FLYWCH1: variants seen among roughly 807,000 people sequenced by gnomAD.
The protein encoded by FLYWCH1 is FLYWCH-type zinc finger 1.
In FLYWCH1, 75 loss-of-function variants were observed where a neutral mutation model predicts 66.4. The observed-to-expected ratio is 1.13, with a 90% confidence interval of 0.94 to 1.37. FLYWCH1 has a LOEUF of 1.37. FLYWCH1 is among the 40% of genes most tolerant of loss of function. The probability of loss-of-function intolerance (pLI) is 0.00; values close to 1 mark genes in which losing one functional copy is unlikely to be tolerated. For missense variants in FLYWCH1, 1,334 were observed against 1,001.8 expected, an observed-to-expected ratio of 1.33 and a Z score of -4.48; for synonymous variants, 595 against 429.9, an observed-to-expected ratio of 1.38 and a Z score of -4.75.
At position 2,925,458 on chromosome 16, in the gene FLYWCH1, A is replaced by AC. The variant is rs1361998374; in HGVS notation, c.-73-4155_-73-4154insC. Among the ~76,000 whole-genome samples, 3 of 150,576 alleles carry AC rather than the reference A, an allele frequency of 2.0e-5. No homozygotes were observed. The East Asian group carries it at 5.9e-4, about 30-fold the overall frequency. ...CACCCAGTGCCATTCAGTCCCACTC[A>AC]GTCCCACTCATCCCCATTCATCCCT... is the stretch of plus-strand genomic sequence containing the variant. On this transcript the variant is annotated intron_variant, in intron 2 of 9. Transcript: ENST00000253928.
Position 2,947,703 on chromosome 16 carries a change from A to G in FLYWCH1, c.2112-985A>G, listed in dbSNP as rs143104960. 6.5e-3 allele frequency among the ~76,000 whole-genome samples: 982 copies of G among 151,490 alleles called. 10 individuals are homozygous for G. Among genetic ancestry groups the G allele is most frequent in the African/African-American group, 0.023 (944 of 41,194 alleles). On this transcript the variant is annotated intron_variant, in intron 9 of 9. Coordinates refer to ENST00000253928, the MANE Select transcript of FLYWCH1 (RefSeq NM_001308068.2). The stretch of plus-strand genomic sequence containing the variant: ...CTTGAACCTGGGAGGTAGAGGTTGC[A>G]GTGAGCAGAGATTGCGCCATTGCAC...
rs527843004 is a variant in FLYWCH1, at chr16:2,929,706, C to A, written c.21C>A (p.Ser7Arg). The part of the protein sequence containing the change: MPLPEP[S>R]EQEGESVKAG... ...CCGGGATGCCCCTGCCCGAGCCCAG[C>A]GAGCAGGAGGGCGAGAGTGTGAAGG... Residue 7 changes from serine (S) to arginine (R), a missense_variant, in exon 3 of 10, where the codon AGC (serine) becomes AGA (arginine). Ser to Arg is a moderately radical substitution (Grantham distance 110, BLOSUM62 -1). Transcript: ENST00000253928. The A allele has an allele frequency of 1.2e-6, 2 of 1,612,460 alleles. No homozygotes were observed. Among genetic ancestry groups the A allele is most frequent in the East Asian group, 2.2e-5 (1 of 44,844 alleles).
intron 8 of FLYWCH1, 90 bp from the exon 9 acceptor site, chr16:2,939,942 G>A: frequency 6.8e-7 from 1 of 1,481,180 alleles, no homozygotes; most frequent in Non-Finnish European, 9.1e-7. Flanking sequence ...ACAGCCTTGA[G>A]GGCGTCGTTA....
Position 2,949,184 on chromosome 16 carries a change from C to T in FLYWCH1, c.*457C>T. On this transcript the variant is annotated 3_prime_UTR_variant, in exon 10 of 10. Transcript: ENST00000253928. ...GAAGTTCCTGCTTCAAACTGAGCTG[C>T]CCCGCATAGGCCAGGTCAACCCACA... The T allele has an allele frequency of 5.3e-6, 1 of 187,202 alleles. No homozygotes were observed. The highest frequency in any genetic ancestry group is 1.1e-5 in the Non-Finnish European group (1 of 90,002). The allele number at this position is 187,202 out of a possible 1,614,324, so 11.6% of individuals were successfully genotyped here. A position where few individuals can be genotyped will look rare whatever the true frequency, so the allele number is the denominator to read the frequency against.
At chr16:2,936,805 C>T (rs760776408) in intron 6 of FLYWCH1, 10 of 563,886 alleles carry the variant, frequency 1.8e-5, no homozygotes, top group South Asian at 7.6e-5. Flanking sequence ...GCGCACCCTG[C>T]ATGCAAGCCT....
At chr16:2,931,555 G>A (rs2070762656) in intron 4 of FLYWCH1, among the ~76,000 whole-genome samples, 1 of 151,934 alleles carries the variant, frequency 6.6e-6, no homozygotes, top group Non-Finnish European at 1.5e-5. Flanking sequence ...GATTGAGGCT[G>A]CAGTGAGCCG....
At chr16:2,939,274 C>T (rs576189329) in intron 8 of FLYWCH1, among the ~76,000 whole-genome samples, 4 of 152,216 alleles carry the variant, frequency 2.6e-5, no homozygotes, top group Admixed American at 1.3e-4. Flanking sequence ...GGAGAAACCC[C>T]GTCTCTACTA....
In FLYWCH1 at chr16:2,926,597, T is replaced by C. The variant is rs113114221; in HGVS notation, c.-73-3016T>C. ...GACCCAGGAACCACCTGCCCGTCTT[T>C]TAATTCAATTAGACAAGGCTCTAAA... On this transcript the variant is annotated intron_variant, in intron 2 of 9. Coordinates refer to ENST00000253928, the MANE Select transcript of FLYWCH1 (RefSeq NM_001308068.2). Among the ~76,000 whole-genome samples, 1,333 of 152,346 alleles carry C rather than the reference T, an allele frequency of 8.7e-3. 9 individuals are homozygous for C. Among genetic ancestry groups the C allele is most frequent in the Non-Finnish European group, 0.015 (1,019 of 68,032 alleles).
At chr16:2,919,310 G>T (rs1440352403) in intron 2 of FLYWCH1, among the ~76,000 whole-genome samples, 1 of 150,180 alleles carries the variant, frequency 6.7e-6, no homozygotes, top group East Asian at 1.9e-4. Context: ...TTGTCTCCCA[G>T]GCTGGAGTAC....
chr16:2,945,472 C>T (rs1263315849), intron 9 of FLYWCH1, among the ~76,000 whole-genome samples: 9 of 112,698 alleles, frequency 8.0e-5, no homozygotes, highest in African/African-American at 3.0e-4. Flanking sequence ...GGTGGCAGAG[C>T]GAGACTCCAT....
chr16:2,920,512 A>T (rs1426853804), intron 2 of FLYWCH1, among the ~76,000 whole-genome samples: 3 of 53,536 alleles, frequency 5.6e-5, no homozygotes, highest in East Asian at 5.0e-4. Context: ...ACTCTGTCTT[A>T]AAAAAAAAAA....
chr16:2,947,432 G>A (rs1022135041), intron 9 of FLYWCH1, among the ~76,000 whole-genome samples: 9 of 151,994 alleles, frequency 5.9e-5, no homozygotes, highest in Non-Finnish European at 1.3e-4. Context: ...CGGATTTTAT[G>A]GGATGTGAAT....
At chr16:2,930,369 T>A (rs1289798735) in intron 3 of FLYWCH1, 41 bp from the exon 4 acceptor site, 2 of 1,293,388 alleles carry the variant, frequency 1.5e-6, no homozygotes, top group South Asian at 3.2e-5. Context: ...GACCCTGAGC[T>A]TTGCTCTAGC....
At position 2,930,651 on chromosome 16, in the gene FLYWCH1, A is replaced by G. The variant is rs1477234240; in HGVS notation, c.567A>G (p.Lys189=). ...TGGAGGCCCGGCGCCAGAGGGAGAA[A>G]CTGCCCAGCCTGGCCCTGCCAGAGG... is the stretch of plus-strand genomic sequence containing the variant. ...QGLEARRQRE[K]LPSLALPEGL... Residue 189 remains lysine, a synonymous_variant, in exon 4 of 10, where the codon AAA becomes AAG. Transcript: ENST00000253928. 2.6e-6 allele frequency: 4 copies of G among 1,546,952 alleles called. No individual in the cohort carries two copies. The highest frequency in any genetic ancestry group is 2.7e-5 in the African/African-American group (2 of 73,116).
rs191224011 is a variant in FLYWCH1 at position 2,944,689 on chromosome 16, G to T, written c.2112-3999G>T. On this transcript the variant is annotated intron_variant, in intron 9 of 9. Coordinates refer to ENST00000253928, the MANE Select transcript of FLYWCH1 (RefSeq NM_001308068.2). ...AATACAAAAATTAGCTAGGCATGGT[G>T]GCGCCAGCCTGTAATCCCAGCTACT... Among the ~76,000 whole-genome samples, 19 of 151,168 alleles carry T rather than the reference G, an allele frequency of 1.3e-4. No homozygotes were observed. The East Asian group carries it at 3.6e-3, about 29-fold the overall frequency.
intron 9 of FLYWCH1, among the ~76,000 whole-genome samples, chr16:2,943,786 A>C (rs2151015913): frequency 6.6e-6 from 1 of 151,752 alleles, no homozygotes; most frequent in African/African-American, 2.4e-5. Context: ...AAATACAAAA[A>C]ATTAGCCAGG....
In FLYWCH1 at chr16:2,937,318, C is replaced by G. The variant is rs2071054329; in HGVS notation, c.1711C>G (p.Leu571Val). 6.2e-7 allele frequency: 1 copy of G among 1,601,870 alleles called. No individual in the cohort carries two copies. The highest frequency in any genetic ancestry group is 1.3e-5 in the African/African-American group (1 of 74,754). ...GCGCAGGCACTGCCACCCACCGGACCTGGGCGGCCTGGAGGCCCTGCGGCA... is the reference window on the plus strand; with the variant it reads ...GCGCAGGCACTGCCACCCACCGGACGTGGGCGGCCTGGAGGCCCTGCGGCA... ...VMRRHCHPPD[L>V]GGLEALRQRE... The change falls in exon 7 of 10, where the codon CTG (leucine) becomes GTG (valine). Residue 571 changes from leucine (L) to valine (V), a missense_variant. By Grantham distance (32) the Leu-to-Val change is conservative. Transcript: ENST00000253928.
chr16:2,933,366 G>A lies in FLYWCH1; in HGVS notation c.1033G>A (p.Glu345Lys). Residue 345 changes from glutamate (E) to lysine (K), a missense_variant, in exon 5 of 10, where the codon GAG becomes AAG. Physicochemically the swap from Glu to Lys is moderately conservative, Grantham distance 56. Coordinates refer to ENST00000253928, the MANE Select transcript of FLYWCH1 (RefSeq NM_001308068.2). ...GGGCCTGGAAGCCCGGCGGCAGCAGGAGAAGGCCGTGGAGACGCTGCAGGC... is the reference window on the plus strand; with the variant it reads ...GGGCCTGGAAGCCCGGCGGCAGCAGAAGAAGGCCGTGGAGACGCTGCAGGC... ...MEGLEARRQQ[E>K]KAVETLQAGQ... The A allele has an allele frequency of 6.2e-7, 1 of 1,603,902 alleles. No individual in the cohort carries two copies. Among genetic ancestry groups the A allele is most frequent in the Non-Finnish European group, 8.5e-7 (1 of 1,175,814 alleles).
chr16:2,943,288 G>A (rs1412016020), intron 9 of FLYWCH1: 2 of 151,976 alleles, frequency 1.3e-5, no homozygotes, highest in Non-Finnish European at 2.9e-5. Context: ...ACATTCTGCG[G>A]GAGGGGACCC....
Sources: allele counts gnomAD v4.1 joint callset (sites outside exome capture counted in the v4.1 genomes callset), GRCh38; gene constraint gnomAD v4.1.1; transcripts MANE v1.5; gene names NCBI Gene and HGNC (gene_info 2026-07-23, HGNC 2026-07-21).